DENND3: variants seen among roughly 807,000 people sequenced by gnomAD.
DENND3 encodes the protein DENN domain-containing protein 3.
A neutral mutation model predicts 135.1 loss-of-function variants in DENND3; 88 were observed. That is an observed-to-expected ratio of 0.65 (90% CI 0.55 to 0.78). The LOEUF (loss-of-function observed/expected upper bound fraction) is 0.78. Ranked by LOEUF, DENND3 falls within the 30% of genes least tolerant of loss-of-function variation. The pLI, the probability that DENND3 is intolerant of heterozygous loss-of-function variation, is 0.00. For synonymous variants in DENND3, 693 were observed against 712.3 expected, an observed-to-expected ratio of 0.97 and a Z score of 0.43; for missense variants, 1,392 against 1,688.4, an observed-to-expected ratio of 0.82 and a Z score of 3.08.
In DENND3 at chr8:141,194,119, G is replaced by A. The variant is rs773394576; in HGVS notation, c.3723G>A (p.Lys1241=). 2 of 1,613,994 alleles carry A rather than the reference G, an allele frequency of 1.2e-6. No homozygotes were observed. Among genetic ancestry groups the A allele is most frequent in the South Asian group, 1.1e-5 (1 of 90,992 alleles). ...VIDAERKTVE[K]ELVAHMDTVR... is the part of the protein sequence containing the mutation. ...ACGCCGAGAGGAAGACCGTGGAGAA[G>A]GAGCTGGTGGCGCACATGGACACCG... Residue 1241 remains lysine, a synonymous_variant, in exon 23 of 23, where the codon AAG becomes AAA. Transcript: ENST00000519811.
chr8:141,169,590 G>A (rs945584502), intron 13 of DENND3, among the ~76,000 whole-genome samples: 1 of 152,196 alleles, frequency 6.6e-6, no homozygotes, highest in Admixed American at 6.5e-5. Flanking sequence ...TAGACCCAGC[G>A]GGGGCTCCGT....
chr8:141,175,240 C>G lies in DENND3; in HGVS notation c.2316C>G (p.Phe772Leu), dbSNP rs932016011. Residue 772 changes from phenylalanine to leucine, a missense_variant, in exon 14 of 23, where the codon TTC becomes TTG. By Grantham distance (22) the Phe-to-Leu change is conservative. Coordinates refer to ENST00000519811, the MANE Select transcript of DENND3 (RefSeq NM_001352890.3). This position sits in a 1 kb window ranked among gnomAD's most constrained non-coding sequence, Gnocchi z 5.4. ...KQIDPETFKD[F>L]YNCWKETEAE... ...TCGACCCAGAAACATTCAAAGATTT[C>G]TACAACTGCTGGAAGGAGACGGAAG... 1 of 1,614,176 alleles carries G rather than the reference C, an allele frequency of 6.2e-7. No homozygotes were observed. Among genetic ancestry groups the G allele is most frequent in the African/African-American group, 1.3e-5 (1 of 75,050 alleles).
chr8:141,160,900 C>T, intron 9 of DENND3, 113 bp downstream of exon 9: 1 of 1,360,026 alleles, frequency 7.4e-7, no homozygotes. Context: ...ATTTGCCTGG[C>T]AAACATGAGT....
At chr8:141,131,501 C>T (rs1055590609) in intron 1 of DENND3, among the ~76,000 whole-genome samples, 9 of 152,286 alleles carry the variant, frequency 5.9e-5, no homozygotes, top group East Asian at 1.9e-4. Context: ...CTCTTTGCAC[C>T]GTGCAGTACA....
intron 8 of DENND3, among the ~76,000 whole-genome samples, chr8:141,160,094 G>A (rs1226321921): frequency 6.6e-6 from 1 of 152,218 alleles, no homozygotes; most frequent in Non-Finnish European, 1.5e-5. Context: ...GCTGGCCTGG[G>A]TGAAGTGTGC....
rs1182813347 is a variant in DENND3, at chr8:141,193,750, A to G, written c.3637-283A>G. 18 of 523,302 alleles carry G rather than the reference A, an allele frequency of 3.4e-5. No individual in the cohort carries two copies. In the East Asian group the frequency reaches 5.5e-4, roughly 16 times the overall value. The allele number at this position is 523,302 out of a possible 1,614,324, so 32.4% of individuals were successfully genotyped here. A position where few individuals can be genotyped will look rare whatever the true frequency, so the allele number is the denominator to read the frequency against. On this transcript the variant is annotated intron_variant, in intron 22 of 22. Coordinates refer to ENST00000519811, the MANE Select transcript of DENND3 (RefSeq NM_001352890.3). ...CTAATTACCATATCTGTCACCTCAC[A>G]CAGGTGGCTGTTGTTTGGTGAGAAC...
intron 13 of DENND3, among the ~76,000 whole-genome samples, chr8:141,171,956 ACTG>A: frequency 7.1e-6 from 1 of 141,088 alleles, no homozygotes; most frequent in Non-Finnish European, 1.5e-5. Context: ...CTGGGTGTGC[ACTG>A]TGGTAGGTGT....
rs1419668785 is a variant in DENND3, at chr8:141,175,311, T to C, written c.2387T>C (p.Leu796Pro). ...CTGCCGTGGCTGGTGATGGAACACC[T>C]GGATAAAAACGAGTGTGTGTGTAAG... is the stretch of plus-strand genomic sequence containing the variant. ...VSLPWLVMEH[L>P]DKNECVCKLS... The change falls in exon 14 of 23, where the codon CTG becomes CCG. Residue 796 changes from leucine (L) to proline (P), a missense_variant. Transcript: ENST00000519811. This position sits in a 1 kb window ranked among gnomAD's most constrained non-coding sequence, Gnocchi z 5.4. 1 of 1,614,168 alleles carries C rather than the reference T, an allele frequency of 6.2e-7. No individual in the cohort carries two copies. Among genetic ancestry groups the C allele is most frequent in the Admixed American group, 1.7e-5 (1 of 60,022 alleles).
rs1818191389 is a variant in DENND3, at chr8:141,146,722, C to T, written c.735+2463C>T. On this transcript the variant is annotated intron_variant, in intron 5 of 22. Transcript: ENST00000519811. The surrounding 1 kb of genome is among the most constrained non-coding windows in gnomAD (Gnocchi z 4.3). ...GGTGGAAAATCCTGCCGGTGCATTC[C>T]AGTCCAGATACGCAGCAGGCCACCC... 6.6e-6 allele frequency among the ~76,000 whole-genome samples: 1 copy of T among 152,170 alleles called. No homozygotes were observed. The highest frequency in any genetic ancestry group is 2.1e-4 in the South Asian group (1 of 4,830).
chr8:141,150,409 T>G, intron 5 of DENND3: 1 of 957,354 alleles, frequency 1.0e-6, no homozygotes, highest in East Asian at 6.5e-5. Flanking sequence ...TGAAGGAGCT[T>G]TGACTATTAA....
intron 9 of DENND3, among the ~76,000 whole-genome samples, chr8:141,161,945 C>T (rs551384286): frequency 6.6e-6 from 1 of 151,934 alleles, no homozygotes; most frequent in South Asian, 2.1e-4. Flanking sequence ...GGACTGCAGG[C>T]GCCTGCCACC....
chr8:141,153,155 G>A (rs1589597131), intron 7 of DENND3, among the ~76,000 whole-genome samples: 1 of 146,972 alleles, frequency 6.8e-6, no homozygotes, highest in Non-Finnish European at 1.5e-5. Context: ...GTGCAATGGC[G>A]TGATCTCGGC....
chr8:141,152,838 G>T (rs1818968870), intron 7 of DENND3, among the ~76,000 whole-genome samples: 1 of 152,174 alleles, frequency 6.6e-6, no homozygotes, highest in Admixed American at 6.5e-5. Flanking sequence ...TTTTCGCAAA[G>T]CGGCCGTGCC....
At position 141,150,965 on chromosome 8, in the gene DENND3, C is replaced by A. The variant is rs3816063; in HGVS notation, c.855+12C>A. 2 of 1,520,232 alleles carry A rather than the reference C, an allele frequency of 1.3e-6. No homozygotes were observed. The highest frequency in any genetic ancestry group is 4.8e-5 in the East Asian group (2 of 41,788). The allele number at this position is 1,520,232 out of a possible 1,614,324, so 94.2% of individuals were successfully genotyped here. On this transcript the variant is annotated intron_variant, in intron 6 of 22. Transcript: ENST00000519811. ...AGAAGGTGCTACAGGTACGCGGCCC[C>A]GCCCCGGCGAGCGCGTCTTGTGCTC...
rs1043282986 is a variant in DENND3, at chr8:141,158,256, C to G, written c.1196+2286C>G. 2.3e-6 allele frequency: 3 copies of G among 1,289,130 alleles called. No individual in the cohort carries two copies. The African/African-American group carries it at 4.6e-5, about 20-fold the overall frequency. 79.9% of individuals were successfully genotyped at this position (1,289,130 alleles called of 1,614,324 possible). ...CTCTGCGCGAACTTTGAAGGAGACA[C>G]GTGCTTTCCCAATCATCTCAGTTAC... On this transcript the variant is annotated intron_variant, in intron 8 of 22. Transcript: ENST00000519811.
chr8:141,188,953 C>A (rs1824305891), intron 18 of DENND3, 33 bp from the exon 19 acceptor site: 11 of 1,604,952 alleles, frequency 6.9e-6, no homozygotes, highest in Non-Finnish European at 9.4e-6. Flanking sequence ...TCGAGACTGA[C>A]TGATTTCTCA....
At chr8:141,172,783 C>T (rs1035105126) in intron 13 of DENND3, among the ~76,000 whole-genome samples, 5 of 152,174 alleles carry the variant, frequency 3.3e-5, no homozygotes, top group South Asian at 2.1e-4. Context: ...CCTTGGCTCA[C>T]GCCTGTGATC....
intron 6 of DENND3, 86 bp downstream of exon 6, chr8:141,151,039 G>A (rs1818745021): frequency 1.5e-5 from 21 of 1,429,004 alleles, no homozygotes; most frequent in Non-Finnish European, 1.9e-5. Flanking sequence ...ATGAAGATGC[G>A]AGTTTATTCC....
At chr8:141,143,846 A>T (rs1480098158) in intron 4 of DENND3, 1 of 271,768 alleles carries the variant, frequency 3.7e-6, no homozygotes, top group Non-Finnish European at 6.9e-6. Flanking sequence ...AAACGCACAA[A>T]TTCCAGTGAT....
Sources: gnomAD v4.1 joint callset for allele counts (sites outside exome capture counted in the v4.1 genomes callset) on GRCh38, gnomAD v4.1.1 for gene constraint, Gnocchi (gnomAD v3.1) non-coding constraint, MANE v1.5 for transcripts, NCBI Gene and HGNC (gene_info 2026-07-23, HGNC 2026-07-21) for gene names.